Variants in SNPH observed in about 807,000 individuals in gnomAD.
SNPH encodes syntaphilin.
A neutral mutation model predicts 36.8 loss-of-function variants in SNPH; 10 were observed. That is an observed-to-expected ratio of 0.27 (90% confidence interval 0.17 to 0.46). The LOEUF (loss-of-function observed/expected upper bound fraction) is 0.46. SNPH is among the 20% of genes least tolerant of loss of function. The probability of loss-of-function intolerance (pLI) is 1.00; values close to 1 mark genes in which losing one functional copy is unlikely to be tolerated. For synonymous variants in SNPH, 281 were observed against 312.2 expected (o/e 0.90, Z 1.05); for missense variants, 622 against 744.0 (o/e 0.84, Z 1.91).
chr20:1,286,282 G>A (rs1300947013), intron 2 of SNPH, among the ~76,000 whole-genome samples: 2 of 152,128 alleles, frequency 1.3e-5, no homozygotes, highest in Non-Finnish European at 2.9e-5. Context: ...GCAAGTGTGA[G>A]CCACACTGGG....
In SNPH at chr20:1,305,437, A is replaced by G. The variant is rs1218363394; in HGVS notation, c.1000A>G (p.Ser334Gly). 4 of 1,613,218 alleles carry G rather than the reference A, an allele frequency of 2.5e-6. No homozygotes were observed. The highest frequency in any genetic ancestry group is 3.4e-6 in the Non-Finnish European group (4 of 1,180,040). Residue 334 changes from serine (S) to glycine (G), a missense_variant, in exon 7 of 7, where the codon AGC becomes GGC. Ser to Gly is a moderately conservative substitution (Grantham distance 56). This residue lies in a region of SNPH where 379 missense variants were observed against 427.9 expected (regional missense o/e 0.89). Transcript: ENST00000381867. ...CGGCCTGGGCCCCCGCTTCCCTGCCAGCAACACCTATGAGAAGCTGCTGTG... is the reference window on the plus strand; with the variant it reads ...CGGCCTGGGCCCCCGCTTCCCTGCCGGCAACACCTATGAGAAGCTGCTGTG... Reference protein sequence around the residue: ...SFGLGPRFPASNTYEKLLCGM... With the variant: ...SFGLGPRFPAGNTYEKLLCGM...
rs749955763 is a variant in SNPH at position 1,305,128 on chromosome 20, G to A, written c.691G>A (p.Ala231Thr). 5 of 1,613,682 alleles carry A rather than the reference G, an allele frequency of 3.1e-6. No homozygotes were observed. Among genetic ancestry groups the A allele is most frequent in the Non-Finnish European group, 4.2e-6 (5 of 1,179,986 alleles). The change falls in exon 7 of 7, where the codon GCC becomes ACC. Residue 231 changes from alanine to threonine, a missense_variant. Around this residue, in one of 3 missense-constraint regions of SNPH, gnomAD observed 379 missense variants for 427.9 expected, o/e 0.89. Coordinates refer to ENST00000381867, the MANE Select transcript of SNPH (RefSeq NM_001318234.2). ...GACGCTGCTGCACAGCATGGAGGTG[G>A]CCCAGAATGGCATGGCCAAGGAGGA... ...LETLLHSMEV[A>T]QNGMAKEDGT...
intron 2 of SNPH, among the ~76,000 whole-genome samples, chr20:1,292,911 C>T (rs1417071394): frequency 6.6e-6 from 1 of 152,232 alleles, no homozygotes; most frequent in African/African-American, 2.4e-5. Context: ...CCTGAAGACA[C>T]TATTATGGCT....
At chr20:1,273,475 G>C (rs2088095782) in intron 2 of SNPH, among the ~76,000 whole-genome samples, 1 of 152,236 alleles carries the variant, frequency 6.6e-6, no homozygotes, top group South Asian at 2.1e-4. Flanking sequence ...CTGAGGATCT[G>C]CTGTACACAC....
rs1355360951 is a variant in SNPH at position 1,306,863 on chromosome 20, C to T, written c.*809C>T. 1 of 152,334 alleles carries T rather than the reference C, an allele frequency of 6.6e-6. No homozygotes were observed. The highest frequency in any genetic ancestry group is 6.5e-5 in the Admixed American group (1 of 15,290). The allele number at this position is 152,334 out of a possible 1,614,324, so 9.4% of individuals were successfully genotyped here. Reference sequence around the variant, plus strand: ...AGGAGGGCCTGCCTGAGTCCCAGCTCCCAGCTGGAGAATCCACCAGCACAA... The same window carrying T: ...AGGAGGGCCTGCCTGAGTCCCAGCTTCCAGCTGGAGAATCCACCAGCACAA... On this transcript the variant is annotated 3_prime_UTR_variant, in exon 7 of 7. Transcript: ENST00000381867.
chr20:1,268,112 G>A (rs2088029926), intron 2 of SNPH, among the ~76,000 whole-genome samples: 1 of 152,212 alleles, frequency 6.6e-6, no homozygotes, highest in African/African-American at 2.4e-5. Context: ...CCTGCCAGGG[G>A]TAATGAATGC....
chr20:1,296,501 C>T (rs1377459162), intron 4 of SNPH, 80 bp downstream of exon 4: 1 of 1,249,456 alleles, frequency 8.0e-7, no homozygotes, highest in Admixed American at 2.4e-5. Flanking sequence ...CTGCCACCAA[C>T]TTGCAGTATG....
intron 2 of SNPH, among the ~76,000 whole-genome samples, chr20:1,281,630 C>T (rs939419393): frequency 6.6e-6 from 1 of 152,236 alleles, no homozygotes; most frequent in Non-Finnish European, 1.5e-5. Context: ...CCACAGGCAG[C>T]TCCTGGGTAC....
intron 2 of SNPH, among the ~76,000 whole-genome samples, chr20:1,270,799 A>G (rs1442173848): frequency 6.6e-6 from 1 of 152,236 alleles, no homozygotes; most frequent in African/African-American, 2.4e-5. Flanking sequence ...AGGAACGCCT[A>G]ACACCTGAGA....
In SNPH at chr20:1,305,340, G is replaced by A. The variant is rs186046719; in HGVS notation, c.903G>A (p.Ala301=). 17 of 1,611,148 alleles carry A rather than the reference G, an allele frequency of 1.1e-5. No individual in the cohort carries two copies. Among genetic ancestry groups the A allele is most frequent in the African/African-American group, 1.3e-5 (1 of 74,944 alleles). Residue 301 remains alanine (A), a synonymous_variant, in exon 7 of 7, where the codon GCG becomes GCA. Transcript: ENST00000381867. ...AADDTLSRTD[A]LEASSLLSSG... ...ATGACACACTGAGCCGGACGGACGC[G>A]CTGGAAGCCAGCAGCCTGCTGTCGT...
At chr20:1,275,065 C>T (rs2088116022) in intron 2 of SNPH, among the ~76,000 whole-genome samples, 1 of 152,228 alleles carries the variant, frequency 6.6e-6, no homozygotes, top group Admixed American at 6.5e-5. Flanking sequence ...TGGCCACCTG[C>T]CTCACTTTTG....
intron 2 of SNPH, among the ~76,000 whole-genome samples, chr20:1,272,042 C>A (rs566504825): frequency 9.2e-5 from 14 of 152,290 alleles, no homozygotes; most frequent in African/African-American, 3.1e-4. Context: ...AGAGAAAGAA[C>A]ATTTTAATAT....
intron 6 of SNPH, among the ~76,000 whole-genome samples, chr20:1,301,689 C>T (rs1205781030): frequency 7.1e-6 from 1 of 141,764 alleles, no homozygotes; most frequent in Non-Finnish European, 1.5e-5. Flanking sequence ...TAGCAATCAC[C>T]GCCAATTTCT....
intron 5 of SNPH, among the ~76,000 whole-genome samples, chr20:1,298,971 C>T (rs1374531933): frequency 6.6e-6 from 1 of 151,586 alleles, no homozygotes; most frequent in Non-Finnish European, 1.5e-5. Flanking sequence ...CTCTCTAATC[C>T]TCAATCCTTA....
chr20:1,303,447 GGT>G (rs545271097), intron 6 of SNPH, among the ~76,000 whole-genome samples: 83 of 152,338 alleles, frequency 5.4e-4, no homozygotes, highest in African/African-American at 1.8e-3. Context: ...CCCAGGGTGA[GGT>G]GTGAGTGAGG....
chr20:1,305,043 C>T lies in SNPH; in HGVS notation c.606C>T (p.Asp202=). The change falls in exon 7 of 7, where the codon GAC becomes GAT. Residue 202 remains aspartate (D), a synonymous_variant. Coordinates refer to ENST00000381867, the MANE Select transcript of SNPH (RefSeq NM_001318234.2). ...VIDTVKNNLI[D]KDKGLQKYFV... ...ACACTGTCAAGAACAACCTGATTGA[C>T]AAGGACAAGGGGCTGCAGAAGTACT... 6.2e-7 allele frequency: 1 copy of T among 1,614,078 alleles called. No homozygotes were observed. Among genetic ancestry groups the T allele is most frequent in the Non-Finnish European group, 8.5e-7 (1 of 1,180,040 alleles).
At chr20:1,277,988 G>A (rs942779520) in intron 2 of SNPH, among the ~76,000 whole-genome samples, 130 of 146,118 alleles carry the variant, frequency 8.9e-4, no homozygotes, top group African/African-American at 2.9e-3. Context: ...TGTGTGTGGC[G>A]TGTCTGTGTG....
chr20:1,283,723 C>T (rs1217253982), intron 2 of SNPH, among the ~76,000 whole-genome samples: 2 of 152,162 alleles, frequency 1.3e-5, no homozygotes, highest in African/African-American at 2.4e-5. Flanking sequence ...CTTCCTACCC[C>T]GAAGGTAGGC....
intron 2 of SNPH, among the ~76,000 whole-genome samples, chr20:1,273,295 G>A (rs1001228137): frequency 2.6e-5 from 4 of 152,176 alleles, no homozygotes; most frequent in African/African-American, 7.2e-5. Flanking sequence ...ACCCTACCAC[G>A]GTTTCAGGGC....
Sources: gnomAD v4.1 joint callset for allele counts (sites outside exome capture counted in the v4.1 genomes callset) on GRCh38, gnomAD v4.1.1 for gene constraint, gnomAD v4.1.1 regional missense constraint, MANE v1.5 for transcripts, NCBI Gene and HGNC (gene_info 2026-07-23, HGNC 2026-07-21) for gene names.